TMEM62: variants seen among roughly 807,000 people sequenced by gnomAD.
The protein encoded by TMEM62 is transmembrane protein 62.
A neutral mutation model predicts 70.4 loss-of-function variants in TMEM62; 41 were observed. The observed-to-expected ratio is 0.58, with a 90% CI of 0.45 to 0.76. TMEM62 has a LOEUF of 0.76. TMEM62 is among the 30% of genes least tolerant of loss of function. The pLI is 0.00. For synonymous variants in TMEM62, 268 were observed against 291.0 expected, an observed-to-expected ratio of 0.92 and a Z score of 0.80; for missense variants, 688 against 788.5, an observed-to-expected ratio of 0.87 and a Z score of 1.53.
chr15:43,174,868 T>A (rs2040568242), intron 11 of TMEM62, among the ~76,000 whole-genome samples: 1 of 152,244 alleles, frequency 6.6e-6, no homozygotes, highest in Admixed American at 6.5e-5. Flanking sequence ...GGGTGGGACC[T>A]AAGCATCAGT....
At chr15:43,142,319 C>T (rs28811106) in intron 4 of TMEM62, among the ~76,000 whole-genome samples, 5,737 of 151,952 alleles carry the variant, frequency 0.038, 126 homozygotes, top group South Asian at 0.08. Context: ...GCGCCTGCCA[C>T]CATGACCCGC....
At position 43,146,499 on chromosome 15, in the gene TMEM62, T is replaced by C; in HGVS notation, c.483T>C (p.Tyr161=). The change falls in exon 5 of 14, where the codon TAT becomes TAC. Residue 161 remains tyrosine (Y), a synonymous_variant. Coordinates refer to ENST00000260403, the MANE Select transcript of TMEM62 (RefSeq NM_024956.4). ...LDSIKNYYRK[Y]SAVRRDGSFH... The stretch of plus-strand genomic sequence containing the variant: ...CCTGTCTTCTATTTTTTAGGAAATA[T>C]TCTGCTGTACGTAGAGATGGCTCTT... 1 of 1,606,590 alleles carries C rather than the reference T, an allele frequency of 6.2e-7. No individual in the cohort carries two copies. The highest frequency in any genetic ancestry group is 8.5e-7 in the Non-Finnish European group (1 of 1,177,784).
chr15:43,177,443 T>C (rs918044783), intron 11 of TMEM62, among the ~76,000 whole-genome samples: 3 of 152,076 alleles, frequency 2.0e-5, no homozygotes, highest in Admixed American at 6.5e-5. Flanking sequence ...GTTGGTGTGG[T>C]GATTCTTCAG....
intron 8 of TMEM62, among the ~76,000 whole-genome samples, chr15:43,153,682 GTGTGTA>G (rs1216889896): frequency 3.0e-4 from 40 of 132,618 alleles, no homozygotes; most frequent in East Asian, 1.2e-3. Flanking sequence ...GTGTGTGTGT[GTGTGTA>G]TATACACACA....
At chr15:43,165,842 C>T (rs894741872) in intron 10 of TMEM62, among the ~76,000 whole-genome samples, 4 of 152,088 alleles carry the variant, frequency 2.6e-5, no homozygotes, top group African/African-American at 7.2e-5. Flanking sequence ...GTTCATTGAG[C>T]TTCCTCAAAA....
At chr15:43,180,196 C>T (rs2041196218) in intron 12 of TMEM62, among the ~76,000 whole-genome samples, 3 of 152,032 alleles carry the variant, frequency 2.0e-5, no homozygotes, top group Non-Finnish European at 4.4e-5. Context: ...AATCTTGGCT[C>T]ACTGCAGCCT....
intron 10 of TMEM62, among the ~76,000 whole-genome samples, chr15:43,163,190 T>TA (rs5812240): frequency 0.27 from 40,471 of 150,518 alleles, 6,142 homozygotes; most frequent in African/African-American, 0.41. Flanking sequence ...AAAATAAAAA[T>TA]AAAAAAAAAG....
chr15:43,181,405 C>T, intron 13 of TMEM62, 106 bp downstream of exon 13: 2 of 740,368 alleles, frequency 2.7e-6, no homozygotes, highest in Non-Finnish European at 4.6e-6. Flanking sequence ...CATAGATCAT[C>T]TTTCCTACTT....
upstream of TMEM62, chr15:43,133,451 C>G (rs2034672992): frequency 4.5e-6 from 1 of 224,710 alleles, no homozygotes; most frequent in South Asian, 1.7e-4. Flanking sequence ...CAAGGCGGAG[C>G]CAGGACTCTA....
chr15:43,166,356 C>A (rs1476387728), intron 10 of TMEM62, among the ~76,000 whole-genome samples: 7 of 152,060 alleles, frequency 4.6e-5, no homozygotes, highest in Admixed American at 6.5e-5. Flanking sequence ...CTCTAACATA[C>A]CAAAGTAGAG....
chr15:43,146,537 AC>A lies in TMEM62; in HGVS notation c.522del (p.His174GlnfsTer13). 6.2e-7 allele frequency: 1 copy of A among 1,613,806 alleles called. No homozygotes were observed. The highest frequency in any genetic ancestry group is 1.7e-5 in the Admixed American group (1 of 60,002). On this transcript the variant is annotated frameshift_variant, in exon 5 of 14. Coordinates refer to ENST00000260403, the MANE Select transcript of TMEM62 (RefSeq NM_024956.4). LOFTEE classifies it high-confidence loss of function. ...VRRDGSFHYV[H>X]STPFGNYSFI... ...AGAGATGGCTCTTTCCATTATGTCC[AC>A]AGTACTCCCTTTGGCAACTATTCGT...
At chr15:43,175,449 CT>C (rs984183796) in intron 11 of TMEM62, among the ~76,000 whole-genome samples, 13 of 152,132 alleles carry the variant, frequency 8.5e-5, no homozygotes, top group Admixed American at 5.9e-4. Flanking sequence ...ACTGAACTTC[CT>C]TTCATAGTCC....
At chr15:43,144,167 GAAGT>G (rs1481801173) in intron 4 of TMEM62, among the ~76,000 whole-genome samples, 1 of 152,202 alleles carries the variant, frequency 6.6e-6, no homozygotes, top group Non-Finnish European at 1.5e-5. Context: ...AGCATTTGAA[GAAGT>G]AAGACATGCC....
chr15:43,175,792 T>C (rs1596346179), intron 11 of TMEM62, among the ~76,000 whole-genome samples: 1 of 152,128 alleles, frequency 6.6e-6, no homozygotes, highest in East Asian at 1.9e-4. Context: ...CCATCTGAGG[T>C]ACCAGGTTCA....
At position 43,133,655 on chromosome 15, in the gene TMEM62, T is replaced by C. The variant is rs1353826577; in HGVS notation, c.-148T>C. The C allele has an allele frequency of 5.6e-6, 3 of 532,812 alleles. No individual in the cohort carries two copies. The highest frequency in any genetic ancestry group is 8.6e-6 in the Non-Finnish European group (3 of 349,492). The allele number at this position is 532,812 out of a possible 1,614,324, so 33.0% of individuals were successfully genotyped here. ...GGCGCAGCACCCTAGGCCCAGTGTC[T>C]GGCTCCAGCCCCGCATCCGGCGCCG... On this transcript the variant is annotated 5_prime_UTR_variant, in exon 1 of 14. Coordinates refer to ENST00000260403, the MANE Select transcript of TMEM62 (RefSeq NM_024956.4).
In TMEM62 at chr15:43,135,636, C is replaced by G; in HGVS notation, c.417C>G (p.Ile139Met). Residue 139 changes from isoleucine (I) to methionine (M), a missense_variant, in exon 3 of 14, where the codon ATC becomes ATG. Physicochemically the swap from Ile to Met is conservative, Grantham distance 10. Transcript: ENST00000260403. ...RVMEKTKWLDIKGNHDAFNIP... is the reference protein window; with the variant it reads ...RVMEKTKWLDMKGNHDAFNIP... ...TGGAAAAAACCAAGTGGCTGGATAT[C>G]AAAGGAAATCATGGTAAGAGCCAAG... The G allele has an allele frequency of 6.3e-7, 1 of 1,593,174 alleles. No homozygotes were observed. The highest frequency in any genetic ancestry group is 8.5e-7 in the Non-Finnish European group (1 of 1,174,622).
chr15:43,134,991 A>T (rs1323735046), intron 2 of TMEM62, among the ~76,000 whole-genome samples: 4 of 152,200 alleles, frequency 2.6e-5, no homozygotes, highest in Non-Finnish European at 5.9e-5. Flanking sequence ...AAAGGGTATC[A>T]GTTCTGATTT....
Position 43,169,627 on chromosome 15 carries a change from A to T in TMEM62, c.1331A>T (p.Gln444Leu). The T allele has an allele frequency of 6.2e-7, 1 of 1,614,142 alleles. No individual in the cohort carries two copies. The highest frequency in any genetic ancestry group is 1.1e-5 in the South Asian group (1 of 91,088). ...RVLFVLIVLS[Q>L]LTILIIFRYR... is the part of the protein sequence containing the mutation. ...CTTTTTGTGCTGATTGTGCTGAGCC[A>T]GCTCACCATTCTCATTATTTTTAGA... The change falls in exon 11 of 14, where the codon CAG becomes CTG. Residue 444 changes from glutamine to leucine, a missense_variant. By Grantham distance (113) the Gln-to-Leu change is moderately radical (BLOSUM62 -2). Coordinates refer to ENST00000260403, the MANE Select transcript of TMEM62 (RefSeq NM_024956.4).
At chr15:43,138,470 G>T in intron 3 of TMEM62, 104 bp from the exon 4 acceptor site, 1 of 943,004 alleles carries the variant, frequency 1.1e-6, no homozygotes, top group East Asian at 2.5e-5. Context: ...GTGTGTGGAA[G>T]AATTGTTATA....
Sources: gnomAD v4.1 joint callset for allele counts (sites outside exome capture counted in the v4.1 genomes callset) on GRCh38, gnomAD v4.1.1 for gene constraint, MANE v1.5 for transcripts, NCBI Gene and HGNC (gene_info 2026-07-23, HGNC 2026-07-21) for gene names.